The following GPM6A variants were observed in gnomAD, a reference collection of about 807,000 sequenced individuals.
GPM6A encodes the protein glycoprotein M6A, also known as neuronal membrane glycoprotein M6-a.
GPM6A carries 7 observed loss-of-function variants against 32.1 expected under a neutral mutation model. That is an observed-to-expected ratio of 0.22 (90% confidence interval 0.12 to 0.41). The LOEUF (loss-of-function observed/expected upper bound fraction) is 0.41. Among genes scored for constraint, GPM6A ranks in the 10% least tolerant of loss-of-function variants. The pLI is 1.00. For missense variants in GPM6A, 235 were observed against 347.2 expected, an observed-to-expected ratio of 0.68 and a Z score of 2.57; for synonymous variants, 130 against 123.4, an observed-to-expected ratio of 1.05 and a Z score of -0.35.
At chr4:175,792,908 G>T (rs903466223) in intron 1 of GPM6A, among the ~76,000 whole-genome samples, 16 of 152,122 alleles carry the variant, frequency 1.1e-4, no homozygotes, top group African/African-American at 3.4e-4. Context: ...GCCGACCATG[G>T]TGACGCATGC....
chr4:175,879,155 C>A (rs887407779), intron 1 of GPM6A, among the ~76,000 whole-genome samples: 3 of 152,126 alleles, frequency 2.0e-5, no homozygotes, highest in African/African-American at 7.2e-5. Context: ...TCATTATTAG[C>A]ATTTTGGTCA....
At chr4:175,992,642 A>G (rs559295097) in intron 1 of GPM6A, among the ~76,000 whole-genome samples, 1 of 152,292 alleles carries the variant, frequency 6.6e-6, no homozygotes, top group South Asian at 2.1e-4. Flanking sequence ...TAGTGTAGTG[A>G]TTATTTAAGC....
intron 2 of GPM6A, among the ~76,000 whole-genome samples, chr4:175,680,868 C>G (rs1157561028): frequency 6.6e-6 from 1 of 152,112 alleles, no homozygotes; most frequent in Non-Finnish European, 1.5e-5. Context: ...TCCATATATT[C>G]ATACATTTGT....
At chr4:175,750,213 C>T (rs1027094756) in intron 1 of GPM6A, among the ~76,000 whole-genome samples, 3 of 152,090 alleles carry the variant, frequency 2.0e-5, no homozygotes, top group Admixed American at 1.3e-4. Flanking sequence ...CGCATGCCAC[C>T]ACACCCTGCT....
At chr4:175,945,192 C>T (rs1055089959) in intron 1 of GPM6A, among the ~76,000 whole-genome samples, 13 of 152,042 alleles carry the variant, frequency 8.6e-5, no homozygotes, top group Non-Finnish European at 4.4e-5. Flanking sequence ...ATATAAATTT[C>T]AGAAAAACAA....
intron 1 of GPM6A, among the ~76,000 whole-genome samples, chr4:175,937,634 C>A (rs1446320685): frequency 6.6e-6 from 1 of 151,932 alleles, no homozygotes; most frequent in Admixed American, 6.6e-5. Flanking sequence ...ACAGTGATCA[C>A]CTATGGGTTG....
At chr4:175,786,047 G>A (rs1160620602) in intron 1 of GPM6A, among the ~76,000 whole-genome samples, 1 of 152,136 alleles carries the variant, frequency 6.6e-6, no homozygotes, top group Non-Finnish European at 1.5e-5. Flanking sequence ...TCCAAGCTGT[G>A]ACCCAAGGCA....
chr4:175,812,786 G>T, upstream of GPM6A: 9 of 985,300 alleles, frequency 9.1e-6, no homozygotes, highest in South Asian at 4.7e-5. Flanking sequence ...TCTTTATGCT[G>T]CAGCAGTGGC....
intron 1 of GPM6A, among the ~76,000 whole-genome samples, chr4:175,983,658 A>T (rs1170219431): frequency 6.6e-6 from 1 of 152,168 alleles, no homozygotes; most frequent in Non-Finnish European, 1.5e-5. Flanking sequence ...TGGCCTATAC[A>T]TGTTGCATAT....
chr4:175,684,356 TCA>T (rs1160277069), intron 2 of GPM6A, among the ~76,000 whole-genome samples: 2 of 152,236 alleles, frequency 1.3e-5, no homozygotes, highest in Non-Finnish European at 2.9e-5. Flanking sequence ...TGGGATTTTA[TCA>T]CAGTTAGAAG....
intron 1 of GPM6A, among the ~76,000 whole-genome samples, chr4:175,941,990 C>G (rs1554003577): frequency 6.6e-6 from 1 of 152,212 alleles, no homozygotes; most frequent in Non-Finnish European, 1.5e-5. Flanking sequence ...ATTTACACTC[C>G]CAACAACAAT....
At chr4:175,824,533 A>G (rs1735374088) in intron 1 of GPM6A, among the ~76,000 whole-genome samples, 1 of 152,068 alleles carries the variant, frequency 6.6e-6, no homozygotes, top group South Asian at 2.1e-4. Flanking sequence ...GATATCATAC[A>G]TTTTTTATTT....
intron 1 of GPM6A, among the ~76,000 whole-genome samples, chr4:175,838,408 G>A (rs114499554): frequency 0.01 from 1,548 of 149,710 alleles, 23 homozygotes; most frequent in African/African-American, 0.036. Context: ...ATAGGGTGAT[G>A]TATATATCTA....
intron 3 of GPM6A, 59 bp from the exon 4 acceptor site, chr4:175,652,046 G>A (rs1741840003): frequency 7.4e-7 from 1 of 1,356,720 alleles, no homozygotes; most frequent in Non-Finnish European, 1.0e-6. Context: ...GAAGAATTTT[G>A]TGTTTAATCT....
At chr4:175,798,896 C>T (rs1335609384) in intron 1 of GPM6A, among the ~76,000 whole-genome samples, 2 of 152,138 alleles carry the variant, frequency 1.3e-5, no homozygotes, top group Middle Eastern at 3.4e-3. Context: ...TTATATTGCA[C>T]CAAAAGAGGT....
chr4:175,786,635 T>C (rs1382314084), intron 1 of GPM6A, among the ~76,000 whole-genome samples: 2 of 152,124 alleles, frequency 1.3e-5, no homozygotes, highest in Non-Finnish European at 2.9e-5. Context: ...AGTCTAGACG[T>C]TCCCTTCTCC....
intron 1 of GPM6A, among the ~76,000 whole-genome samples, chr4:175,777,926 T>C (rs1374518158): frequency 2.0e-5 from 3 of 152,182 alleles, no homozygotes; most frequent in African/African-American, 7.2e-5. Flanking sequence ...TAAAGAACAG[T>C]TTGACATTTA....
chr4:175,755,865 C>A (rs755233391), intron 1 of GPM6A, among the ~76,000 whole-genome samples: 7 of 152,098 alleles, frequency 4.6e-5, no homozygotes, highest in Non-Finnish European at 8.8e-5. Flanking sequence ...GTGACTACAA[C>A]GATCTCAGGA....
intron 1 of GPM6A, among the ~76,000 whole-genome samples, chr4:175,862,552 C>A (rs780316018): frequency 6.6e-6 from 1 of 152,160 alleles, no homozygotes; most frequent in Admixed American, 6.6e-5. Flanking sequence ...CATCTATATA[C>A]TTTCTGGTAT....
Sources: gnomAD v4.1 joint callset for allele counts (sites outside exome capture counted in the v4.1 genomes callset) on GRCh38, gnomAD v4.1.1 for gene constraint, MANE v1.5 for transcripts, NCBI Gene and HGNC (gene_info 2026-07-23, HGNC 2026-07-21) for gene names.